FAT2: variants seen among roughly 807,000 people sequenced by gnomAD.
FAT2 encodes the protein FAT atypical cadherin 2.
FAT2 carries 150 observed loss-of-function variants against 295.3 expected under a neutral mutation model. The observed-to-expected ratio is 0.51, with a 90% CI of 0.44 to 0.58. FAT2 has a LOEUF of 0.58. Among genes scored for constraint, FAT2 ranks in the 20% least tolerant of loss-of-function variants. FAT2 has a pLI of 0.00. For synonymous variants in FAT2, 2,026 were observed against 2,150.3 expected (o/e 0.94, Z 1.60); for missense variants, 4,868 against 5,442.7 (o/e 0.89, Z 3.32).
rs373548594 is a variant in FAT2, at chr5:151,521,775, A to G, written c.10818T>C (p.Asp3606=). Residue 3606 remains aspartate, a synonymous_variant, in exon 19 of 24, where the codon GAT becomes GAC. Coordinates refer to ENST00000261800, the MANE Select transcript of FAT2 (RefSeq NM_001447.3). The part of the protein sequence containing the change: ...GHYSFNVTVS[D]GTFTTTAGVH... ...CCCCAGCAGTCGTGGTGAAGGTCCC[A>G]TCGCTGACCGTGACGTTGAACGAGT... 1.9e-6 allele frequency: 3 copies of G among 1,614,128 alleles called. No homozygotes were observed. The South Asian group carries it at 3.3e-5, about 18-fold the overall frequency.
At chr5:151,582,752 G>A (rs1759009904) in intron 1 of FAT2, among the ~76,000 whole-genome samples, 1 of 152,198 alleles carries the variant, frequency 6.6e-6, no homozygotes, top group African/African-American at 2.4e-5. Flanking sequence ...AAACGTCACT[G>A]TGTTAAAAAT....
rs953444745 is a variant in FAT2 at position 151,554,673 on chromosome 5, C to A, written c.3634G>T (p.Val1212Leu). The change falls in exon 5 of 24, where the codon GTG becomes TTG. Residue 1212 changes from valine to leucine, a missense_variant and splice_region_variant. Val to Leu is a conservative substitution (Grantham distance 32, BLOSUM62 1). Coordinates refer to ENST00000261800, the MANE Select transcript of FAT2 (RefSeq NM_001447.3). ...GGTTCCCCATTGTCCAGCACAGTCA[C>A]CTGGGAGCAGAATTGAGCATGAGCA... is the stretch of plus-strand genomic sequence containing the variant. ...RENKDEHILE[V>L]TVLDNGEPSL... is the part of the protein sequence containing the mutation. The A allele has an allele frequency of 1.9e-6, 3 of 1,608,906 alleles. No individual in the cohort carries two copies. The highest frequency in any genetic ancestry group is 1.7e-6 in the Non-Finnish European group (2 of 1,177,404).
chr5:151,538,947 A>G (rs901548878), intron 11 of FAT2, among the ~76,000 whole-genome samples: 1 of 151,998 alleles, frequency 6.6e-6, no homozygotes, highest in Non-Finnish European at 1.5e-5. Context: ...CGGCCTCCCA[A>G]AGTGCTTGGA....
At chr5:151,574,876 T>C (rs1758684304) in intron 1 of FAT2, among the ~76,000 whole-genome samples, 1 of 152,222 alleles carries the variant, frequency 6.6e-6, no homozygotes, top group African/African-American at 2.4e-5. Context: ...GCTTGAGCCA[T>C]TGATGGGTCC....
At chr5:151,548,484 T>G (rs1424251171) in intron 9 of FAT2, among the ~76,000 whole-genome samples, 1 of 152,156 alleles carries the variant, frequency 6.6e-6, no homozygotes, top group Non-Finnish European at 1.5e-5. Flanking sequence ...TGTATTAACA[T>G]ACATTTTCTT....
chr5:151,558,571 C>G (rs933868256), intron 3 of FAT2, among the ~76,000 whole-genome samples: 31 of 151,990 alleles, frequency 2.0e-4, no homozygotes, highest in South Asian at 1.5e-3. Flanking sequence ...AAGATCTCAC[C>G]ACTGCACTCC....
rs1397532350 is a variant in FAT2, at chr5:151,568,092, A to G, written c.840T>C (p.Asn280=). 6 of 1,614,142 alleles carry G rather than the reference A, an allele frequency of 3.7e-6. No individual in the cohort carries two copies. Among genetic ancestry groups the G allele is most frequent in the Non-Finnish European group, 5.1e-6 (6 of 1,180,028 alleles). Residue 280 remains asparagine, a synonymous_variant, in exon 2 of 24, where the codon AAT becomes AAC. Coordinates refer to ENST00000261800, the MANE Select transcript of FAT2 (RefSeq NM_001447.3). Reference sequence around the variant, plus strand: ...CTGACTCCACTTCAGCTCCTGAGCTATTTGCATCGACCAGTACAGTGGCAT... The same window carrying G: ...CTGACTCCACTTCAGCTCCTGAGCTGTTTGCATCGACCAGTACAGTGGCAT... The part of the protein sequence containing the change: ...TTYATVLVDA[N]SSGAEVESVE...
At position 151,535,515 on chromosome 5, in the gene FAT2, G is replaced by A. The variant is rs543005137; in HGVS notation, c.9194-873C>T. Among the ~76,000 whole-genome samples, 31 of 152,180 alleles carry A rather than the reference G, an allele frequency of 2.0e-4. 1 individual carries two copies. The South Asian group carries it at 6.4e-3, about 32-fold the overall frequency. On this transcript the variant is annotated intron_variant, in intron 12 of 23. Transcript: ENST00000261800. The stretch of plus-strand genomic sequence containing the variant: ...GTTCCTGGAGGGTGGTGCGCCCAGG[G>A]AGGACATGGGAGCCCCTTTCCTCAT...
Position 151,531,890 on chromosome 5 carries a change from G to A in FAT2, c.9508C>T (p.Arg3170Cys), listed in dbSNP as rs760934387. Reference sequence around the variant, plus strand: ...CTGACCTGCAGCGGCTTTTCCAGGCGGATCACCCCCGTGGTGGCGTCGATG... The same window carrying A: ...CTGACCTGCAGCGGCTTTTCCAGGCAGATCACCCCCGTGGTGGCGTCGATG... ...FSIDATTGVI[R>C]LEKPLQVRPQ... The change falls in exon 14 of 24, where the codon CGC (arginine) becomes TGC (cysteine). Residue 3170 changes from arginine (R) to cysteine (C), a missense_variant. This residue lies in a region of FAT2 where 1,046 missense variants were observed against 1,210.1 expected (regional missense o/e 0.86). Coordinates refer to ENST00000261800, the MANE Select transcript of FAT2 (RefSeq NM_001447.3). This position sits in a 1 kb window ranked among gnomAD's most constrained non-coding sequence, Gnocchi z 5.7. 4 of 1,614,208 alleles carry A rather than the reference G, an allele frequency of 2.5e-6. No individual in the cohort carries two copies. The highest frequency in any genetic ancestry group is 2.2e-5 in the South Asian group (2 of 91,088).
At chr5:151,555,617 G>T (rs945260033) in intron 4 of FAT2, among the ~76,000 whole-genome samples, 3 of 152,030 alleles carry the variant, frequency 2.0e-5, no homozygotes, top group African/African-American at 7.2e-5. Context: ...TGATCTGCCC[G>T]CCTCAGCCTC....
At chr5:151,530,679 G>T (rs577301273) in intron 14 of FAT2, among the ~76,000 whole-genome samples, 3 of 152,286 alleles carry the variant, frequency 2.0e-5, no homozygotes, top group African/African-American at 7.2e-5. Flanking sequence ...TTATCTTTTA[G>T]GTGTGATAAG....
At chr5:151,525,683 C>G in intron 18 of FAT2, 85 bp downstream of exon 18, 1 of 1,481,892 alleles carries the variant, frequency 6.7e-7, no homozygotes, top group South Asian at 1.2e-5. Flanking sequence ...ACATTTTTTC[C>G]CTAATGACAG....
chr5:151,552,949 G>A (rs192111089), intron 6 of FAT2, among the ~76,000 whole-genome samples: 1 of 152,334 alleles, frequency 6.6e-6, no homozygotes, highest in East Asian at 1.9e-4. Flanking sequence ...ACTCTGGCTG[G>A]GGTTAGAGAT....
chr5:151,567,338 G>A lies in FAT2; in HGVS notation c.1594C>T (p.Arg532Trp), dbSNP rs773729288. The A allele has an allele frequency of 3.2e-5, 51 of 1,614,054 alleles. No homozygotes were observed. Among genetic ancestry groups the A allele is most frequent in the African/African-American group, 4.0e-5 (3 of 74,912 alleles). Residue 532 changes from arginine (R) to tryptophan (W), a missense_variant, in exon 2 of 24, where the codon CGG (arginine) becomes TGG (tryptophan). This residue lies in a region of FAT2 where 3,297 missense variants were observed against 3,669.4 expected (regional missense o/e 0.90). Transcript: ENST00000261800. ...GATCCCCAGTCTGATGCTCTTACCC[G>A]GAAGGTATAAATTCTTTTCATGAGT... Reference protein sequence around the residue: ...YELMKRIYTFRVRASDWGSPF... With the variant: ...YELMKRIYTFWVRASDWGSPF...
chr5:151,561,399 T>G (rs1249005208), intron 3 of FAT2, among the ~76,000 whole-genome samples: 1 of 151,992 alleles, frequency 6.6e-6, no homozygotes, highest in Non-Finnish European at 1.5e-5. Flanking sequence ...TCTCTTTTTT[T>G]TTTCTTTCTG....
chr5:151,579,418 A>C (rs1307630386), intron 1 of FAT2, among the ~76,000 whole-genome samples: 1 of 152,110 alleles, frequency 6.6e-6, no homozygotes, highest in Non-Finnish European at 1.5e-5. Flanking sequence ...CAAAACATTT[A>C]AAAATTAGCC....
intron 3 of FAT2, among the ~76,000 whole-genome samples, chr5:151,557,348 C>T (rs1056168719): frequency 2.0e-5 from 3 of 152,064 alleles, no homozygotes; most frequent in African/African-American, 4.8e-5. Flanking sequence ...GAGGCTGACC[C>T]GCCTGGGGAG....
At chr5:151,529,893 G>T (rs1406807987) in intron 14 of FAT2, among the ~76,000 whole-genome samples, 2 of 152,146 alleles carry the variant, frequency 1.3e-5, no homozygotes, top group African/African-American at 2.4e-5. Flanking sequence ...CTGGAAAAAA[G>T]AAATAAAAGA....
chr5:151,531,485 T>TA lies in FAT2; in HGVS notation c.9811+101_9811+102insT. On this transcript the variant is annotated intron_variant, in intron 14 of 23. Transcript: ENST00000261800. This position sits in a 1 kb window ranked among gnomAD's most constrained non-coding sequence, Gnocchi z 5.7. ...AGAAACGACCAGAGGAGGTCTGCTC[T>TA]GGGAGGCGCTGCACAGGGTAGATAC... is the stretch of plus-strand genomic sequence containing the variant. The TA allele has an allele frequency of 6.8e-7, 1 of 1,475,182 alleles. No individual in the cohort carries two copies. The highest frequency in any genetic ancestry group is 1.3e-5 in the South Asian group (1 of 76,262). The allele number at this position is 1,475,182 out of a possible 1,614,324, so 91.4% of individuals were successfully genotyped here. A position where few individuals can be genotyped will look rare whatever the true frequency, so the allele number is the denominator to read the frequency against.
Sources: allele counts gnomAD v4.1 joint callset (sites outside exome capture counted in the v4.1 genomes callset), GRCh38; gene constraint gnomAD v4.1.1; regional missense constraint gnomAD v4.1.1; non-coding constraint Gnocchi (gnomAD v3.1); transcripts MANE v1.5; gene names NCBI Gene and HGNC (gene_info 2026-07-23, HGNC 2026-07-21).